The following CHCHD6 variants were observed in gnomAD, a reference collection of about 807,000 sequenced individuals.
CHCHD6 encodes MICOS complex subunit MIC25.
CHCHD6 carries 28 observed loss-of-function variants against 32.3 expected under a neutral mutation model. The ratio of observed to expected loss-of-function variants is 0.87; its 90% CI spans 0.64 to 1.19. CHCHD6 has a LOEUF of 1.19. Among genes scored for constraint, CHCHD6 ranks in the 50% most tolerant of loss-of-function variants. CHCHD6 has a pLI of 0.00. For synonymous variants in CHCHD6, 122 were observed against 117.5 expected (o/e 1.04, Z -0.25); for missense variants, 333 against 307.0 (o/e 1.08, Z -0.63).
At chr3:126,837,734 A>C (rs544876129) in intron 4 of CHCHD6, among the ~76,000 whole-genome samples, 1 of 152,290 alleles carries the variant, frequency 6.6e-6, no homozygotes, top group African/African-American at 2.4e-5. Context: ...TTGTTTTGTC[A>C]TGACCAAGAT....
intron 6 of CHCHD6, among the ~76,000 whole-genome samples, chr3:126,946,833 G>C (rs998358303): frequency 6.6e-6 from 1 of 152,192 alleles, no homozygotes; most frequent in African/African-American, 2.4e-5. Flanking sequence ...TAAAAAGCCT[G>C]CTCCATGTAT....
At chr3:126,720,486 C>T (rs1935230823) in intron 1 of CHCHD6, among the ~76,000 whole-genome samples, 1 of 152,206 alleles carries the variant, frequency 6.6e-6, no homozygotes, top group African/African-American at 2.4e-5. Flanking sequence ...CTCTGCCCTT[C>T]ACCTCCCTCA....
intron 6 of CHCHD6, among the ~76,000 whole-genome samples, chr3:126,922,186 C>G (rs1415921865): frequency 1.3e-5 from 2 of 152,198 alleles, no homozygotes; most frequent in Non-Finnish European, 2.9e-5. Flanking sequence ...AAAACTTTTA[C>G]TAAACATCAT....
At chr3:126,838,722 G>A (rs981732016) in intron 4 of CHCHD6, among the ~76,000 whole-genome samples, 3 of 152,128 alleles carry the variant, frequency 2.0e-5, no homozygotes, top group African/African-American at 7.2e-5. Flanking sequence ...AACCCTTATG[G>A]CAGCCCTATG....
chr3:126,888,468 C>G (rs950478457), intron 5 of CHCHD6, among the ~76,000 whole-genome samples: 1 of 152,166 alleles, frequency 6.6e-6, no homozygotes, highest in Non-Finnish European at 1.5e-5. Flanking sequence ...ACTCCTCATG[C>G]GACAGCCACC....
intron 4 of CHCHD6, among the ~76,000 whole-genome samples, chr3:126,758,389 C>A (rs1003703079): frequency 1.3e-5 from 2 of 152,236 alleles, no homozygotes; most frequent in African/African-American, 2.4e-5. Flanking sequence ...TGTTGAACTA[C>A]ATCTCATTTC....
At chr3:126,921,847 G>A (rs1160877816) in intron 6 of CHCHD6, among the ~76,000 whole-genome samples, 1 of 152,178 alleles carries the variant, frequency 6.6e-6, no homozygotes, top group Non-Finnish European at 1.5e-5. Flanking sequence ...AGGAACCTGA[G>A]CTTCCCCAGT....
intron 4 of CHCHD6, among the ~76,000 whole-genome samples, chr3:126,747,047 G>T (rs981456908): frequency 6.6e-6 from 1 of 152,186 alleles, no homozygotes; most frequent in Non-Finnish European, 1.5e-5. Flanking sequence ...TTTTTGCCCC[G>T]ATCTCAGCTT....
intron 4 of CHCHD6, among the ~76,000 whole-genome samples, chr3:126,843,099 A>G (rs916587244): frequency 6.6e-6 from 1 of 152,090 alleles, no homozygotes; most frequent in African/African-American, 2.4e-5. Flanking sequence ...ACTTTCTTCT[A>G]TTACTAGTTT....
rs534221891 is a variant in CHCHD6, at chr3:126,891,181, G to T, written c.496-23499G>T. On this transcript the variant is annotated intron_variant, in intron 5 of 7. Transcript: ENST00000290913. ...TATCAGGTGCCGGTGGGGTGCTGCA[G>T]CCCCAAGTATACCATGTCGGAAAGG... Among the ~76,000 whole-genome samples, 10 of 152,296 alleles carry T rather than the reference G, an allele frequency of 6.6e-5. No individual in the cohort carries two copies. The South Asian group carries it at 1.9e-3, about 28-fold the overall frequency.
At chr3:126,900,240 CTA>C (rs1407144587) in intron 5 of CHCHD6, among the ~76,000 whole-genome samples, 2 of 152,174 alleles carry the variant, frequency 1.3e-5, no homozygotes, top group African/African-American at 2.4e-5. Flanking sequence ...CTTCCTACCT[CTA>C]TGTCCTGGGC....
intron 4 of CHCHD6, among the ~76,000 whole-genome samples, chr3:126,794,287 T>C (rs943822273): frequency 4.7e-5 from 7 of 148,784 alleles, no homozygotes; most frequent in African/African-American, 1.7e-4. Context: ...AAAGTATAGT[T>C]TGTATATATT....
intron 6 of CHCHD6, among the ~76,000 whole-genome samples, chr3:126,928,047 A>G (rs1452962044): frequency 6.6e-6 from 1 of 152,178 alleles, no homozygotes; most frequent in Non-Finnish European, 1.5e-5. Context: ...GAAGTTGTTC[A>G]TTGGTAAAGC....
At chr3:126,956,474 A>T (rs926205154) in intron 6 of CHCHD6, among the ~76,000 whole-genome samples, 7 of 152,266 alleles carry the variant, frequency 4.6e-5, no homozygotes, top group Non-Finnish European at 8.8e-5. Flanking sequence ...TGTGAACAGC[A>T]TGATGAACGA....
intron 5 of CHCHD6, among the ~76,000 whole-genome samples, chr3:126,908,238 T>A (rs913704880): frequency 2.6e-5 from 4 of 152,200 alleles, no homozygotes; most frequent in African/African-American, 9.6e-5. Flanking sequence ...TTTGGAGAAA[T>A]GTTCTCACTG....
At chr3:126,929,908 A>G (rs2078379331) in intron 6 of CHCHD6, among the ~76,000 whole-genome samples, 2 of 152,158 alleles carry the variant, frequency 1.3e-5, no homozygotes, top group South Asian at 4.1e-4. Context: ...GCCTTCCCCA[A>G]CTAAGTCATT....
intron 4 of CHCHD6, among the ~76,000 whole-genome samples, chr3:126,773,513 T>C (rs1041119303): frequency 6.6e-6 from 1 of 152,194 alleles, no homozygotes; most frequent in African/African-American, 2.4e-5. Flanking sequence ...AAGTGGCCTT[T>C]TTCTTTATTC....
chr3:126,796,261 G>A (rs777049362), intron 4 of CHCHD6, among the ~76,000 whole-genome samples: 1 of 152,190 alleles, frequency 6.6e-6, no homozygotes, highest in Non-Finnish European at 1.5e-5. Flanking sequence ...GAGGTGGGAA[G>A]ATGGCTTGAG....
intron 4 of CHCHD6, among the ~76,000 whole-genome samples, chr3:126,848,057 G>A (rs1018752691): frequency 5.3e-5 from 8 of 152,234 alleles, no homozygotes; most frequent in East Asian, 3.9e-4. Context: ...ATAACTCACC[G>A]CAGCCTCAAA....
Sources: gnomAD v4.1 joint callset for allele counts (sites outside exome capture counted in the v4.1 genomes callset) on GRCh38, gnomAD v4.1.1 for gene constraint, MANE v1.5 for transcripts, NCBI Gene and HGNC (gene_info 2026-07-23, HGNC 2026-07-21) for gene names.